FMNL3: variants seen among roughly 807,000 people sequenced by gnomAD.
FMNL3 encodes formin-like protein 3.
FMNL3 carries 57 observed loss-of-function variants against 119.6 expected under a neutral mutation model. The ratio of observed to expected loss-of-function variants is 0.48; its 90% CI spans 0.39 to 0.59. The LOEUF (loss-of-function observed/expected upper bound fraction) is 0.59, where lower values mean the gene tolerates loss of function less well. FMNL3 is among the 20% of genes least tolerant of loss of function. The pLI, the probability that FMNL3 is intolerant of heterozygous loss-of-function variation, is 0.00. For synonymous variants in FMNL3, 491 were observed against 507.3 expected (o/e 0.97, Z 0.43); for missense variants, 1,053 against 1,323.5 (o/e 0.80, Z 3.17).
At chr12:49,666,297 T>C (rs1028268010) in intron 2 of FMNL3, 90 bp from the exon 3 acceptor site, 1 of 1,163,626 alleles carries the variant, frequency 8.6e-7, no homozygotes, top group South Asian at 1.5e-5. Context: ...TAGTGTTCAG[T>C]GTGAGGGGGA....
At position 49,636,972 on chromosome 12, in the gene FMNL3, T is replaced by G; in HGVS notation, c.*8843A>C. 2 of 1,405,406 alleles carry G rather than the reference T, an allele frequency of 1.4e-6. No homozygotes were observed. 87.1% of individuals were successfully genotyped at this position (1,405,406 alleles called of 1,614,324 possible). A position where few individuals can be genotyped will look rare whatever the true frequency, so the allele number is the denominator to read the frequency against. On this transcript the variant is annotated 3_prime_UTR_variant, in exon 26 of 26. Transcript: ENST00000335154. ...TTTCTGTGCCTAGCCCTGTCCAAGC[T>G]CTATGAGACCTCTCTCTGCCTGCAG... is the stretch of plus-strand genomic sequence containing the variant.
In FMNL3 at chr12:49,648,190, T is replaced by A. The variant is rs1486573850; in HGVS notation, c.2676+3A>T. 3.1e-6 allele frequency: 5 copies of A among 1,612,052 alleles called. No individual in the cohort carries two copies. The highest frequency in any genetic ancestry group is 4.2e-6 in the Non-Finnish European group (5 of 1,178,950). ...GCTCCCACCGCCTGCACCCCGTGCT[T>A]GCCTCAGCCGTCTTGGCGTCCCGCT... On this transcript the variant is annotated splice_donor_region_variant and intron_variant, in intron 22 of 25. Transcript: ENST00000335154.
intron 1 of FMNL3, among the ~76,000 whole-genome samples, chr12:49,685,664 C>A (rs185269456): frequency 1.3e-3 from 197 of 152,300 alleles, no homozygotes; most frequent in South Asian, 0.011. Context: ...CTTCAAGGTA[C>A]AGAAAAACAG....
chr12:49,651,944 G>T lies in FMNL3; in HGVS notation c.1592C>A (p.Pro531His). Residue 531 changes from proline (P) to histidine (H), a missense_variant, in exon 14 of 26, where the codon CCC becomes CAC. Physicochemically the swap from Pro to His is moderately conservative, Grantham distance 77 (BLOSUM62 -2). This residue lies in a region of FMNL3 where 445 missense variants were observed against 628.4 expected (regional missense o/e 0.71). Coordinates refer to ENST00000335154, the MANE Select transcript of FMNL3 (RefSeq NM_175736.5). ...PPAPPLPPPP[P>H]PLPDKCPPAP... ...GTCGTCGTGGTTACCTGGTAATGGG[G>T]GAGGTGGAGGGGGCAAGGGCGGAGC... The T allele has an allele frequency of 6.3e-7, 1 of 1,592,560 alleles. No homozygotes were observed. Among genetic ancestry groups the T allele is most frequent in the East Asian group, 2.3e-5 (1 of 44,348 alleles).
At chr12:49,706,849 G>A (rs1351329431) in intron 1 of FMNL3, among the ~76,000 whole-genome samples, 1 of 152,166 alleles carries the variant, frequency 6.6e-6, no homozygotes, top group African/African-American at 2.4e-5. Context: ...TCCAGCGGTG[G>A]AGGCGTCGGT....
At chr12:49,687,049 A>C (rs1944482086) in intron 1 of FMNL3, among the ~76,000 whole-genome samples, 1 of 151,748 alleles carries the variant, frequency 6.6e-6, no homozygotes, top group Admixed American at 6.6e-5. Flanking sequence ...TCAACCCCCA[A>C]AACTGCCTGA....
At chr12:49,671,072 C>T (rs144161099) in intron 1 of FMNL3, among the ~76,000 whole-genome samples, 7 of 152,354 alleles carry the variant, frequency 4.6e-5, no homozygotes, top group African/African-American at 1.7e-4. Context: ...GAGGAGGGGG[C>T]AGCCTGTCAC....
chr12:49,645,612 G>A lies in FMNL3; in HGVS notation c.*203C>T, dbSNP rs1592633122. 1 of 525,240 alleles carries A rather than the reference G, an allele frequency of 1.9e-6. No individual in the cohort carries two copies. Among genetic ancestry groups the A allele is most frequent in the Non-Finnish European group, 3.3e-6 (1 of 301,754 alleles). The allele number at this position is 525,240 out of a possible 1,614,324, so 32.5% of individuals were successfully genotyped here. On this transcript the variant is annotated 3_prime_UTR_variant, in exon 26 of 26. Coordinates refer to ENST00000335154, the MANE Select transcript of FMNL3 (RefSeq NM_175736.5). ...GGAAATGAAGTCAAAGACCTTGGGG[G>A]CAAAGTGCAGTACTGGAAGCACCAG...
chr12:49,638,795 A>G lies in FMNL3; in HGVS notation c.*7020T>C, dbSNP rs1022280063. 6.6e-6 allele frequency: 1 copy of G among 152,168 alleles called. No individual in the cohort carries two copies. The highest frequency in any genetic ancestry group is 2.4e-5 in the African/African-American group (1 of 41,432). The allele number at this position is 152,168 out of a possible 1,614,324, so 9.4% of individuals were successfully genotyped here. A position where few individuals can be genotyped will look rare whatever the true frequency, so the allele number is the denominator to read the frequency against. On this transcript the variant is annotated 3_prime_UTR_variant, in exon 26 of 26. Coordinates refer to ENST00000335154, the MANE Select transcript of FMNL3 (RefSeq NM_175736.5). ...CCTTTCTGACCCTGTTTCCTCATCT[A>G]AAAAATGGTGAGTGTTCCACCAGAG... is the stretch of plus-strand genomic sequence containing the variant.
chr12:49,642,311 C>T lies in FMNL3; in HGVS notation c.*3504G>A, dbSNP rs762160468. 3.7e-6 allele frequency: 6 copies of T among 1,614,188 alleles called. No individual in the cohort carries two copies. The South Asian group carries it at 6.6e-5, about 18-fold the overall frequency. On this transcript the variant is annotated 3_prime_UTR_variant, in exon 26 of 26. Transcript: ENST00000335154. The surrounding 1 kb of genome is among the most constrained non-coding windows in gnomAD (Gnocchi z 5.8). Reference sequence around the variant, plus strand: ...CGCAGGATGCGGCGCAGGGAAGCTGCCTTTCGAAGCATGCTGAGGCAGGCT... The same window carrying T: ...CGCAGGATGCGGCGCAGGGAAGCTGTCTTTCGAAGCATGCTGAGGCAGGCT...
intron 1 of FMNL3, among the ~76,000 whole-genome samples, chr12:49,687,944 G>A (rs1410081145): frequency 5.3e-5 from 8 of 152,194 alleles, no homozygotes; most frequent in Admixed American, 3.9e-4. Context: ...ATTAAAGACA[G>A]AAAATGGAAC....
chr12:49,661,812 G>T, intron 5 of FMNL3, 154 bp downstream of exon 5: 1 of 699,132 alleles, frequency 1.4e-6, no homozygotes, highest in Non-Finnish European at 2.5e-6. Flanking sequence ...GGGCTTGCCT[G>T]CCTACTTCCA....
chr12:49,639,094 G>A lies in FMNL3; in HGVS notation c.*6721C>T, dbSNP rs1565842698. On this transcript the variant is annotated 3_prime_UTR_variant, in exon 26 of 26. Transcript: ENST00000335154. Reference sequence around the variant, plus strand: ...TTGGAAGTAGAGCCCTGCATGTAAAGTGCCTTGAATGCTAAAATAAGAAAT... The same window carrying A: ...TTGGAAGTAGAGCCCTGCATGTAAAATGCCTTGAATGCTAAAATAAGAAAT... 1 of 152,216 alleles carries A rather than the reference G, an allele frequency of 6.6e-6. No homozygotes were observed. Among genetic ancestry groups the A allele is most frequent in the Non-Finnish European group, 1.5e-5 (1 of 68,056 alleles). 9.4% of individuals were successfully genotyped at this position (152,216 alleles called of 1,614,324 possible).
rs747812115 is a variant in FMNL3 at position 49,646,773 on chromosome 12, C to G, written c.2995+113G>C. 32 of 1,604,170 alleles carry G rather than the reference C, an allele frequency of 2.0e-5. No individual in the cohort carries two copies. In the East Asian group the frequency reaches 2.7e-4, roughly 13 times the overall value. On this transcript the variant is annotated intron_variant, in intron 25 of 25. Transcript: ENST00000335154. ...TCAGCACTGTGGCCCAGGAGAGAGA[C>G]ACAGTGGTCAGGCCTCATGGGGGGT... is the stretch of plus-strand genomic sequence containing the variant.
At position 49,707,169 on chromosome 12, in the gene FMNL3, C is replaced by T; in HGVS notation, c.12G>A (p.Leu4=). 6.4e-7 allele frequency: 1 copy of T among 1,564,826 alleles called. No individual in the cohort carries two copies. The highest frequency in any genetic ancestry group is 8.6e-7 in the Non-Finnish European group (1 of 1,159,348). MGN[L]ESAEGVPGEP... is the part of the protein sequence containing the mutation. ...CTCCCGGGACCCCCTCGGCGCTCTC[C>T]AGGTTGCCCATCGCGGCGGGGCCCC... Residue 4 remains leucine (L), a synonymous_variant, in exon 1 of 26, where the codon CTG becomes CTA. Transcript: ENST00000335154.
chr12:49,707,273 C>T lies in FMNL3; in HGVS notation c.-93G>A, dbSNP rs1425892505. On this transcript the variant is annotated 5_prime_UTR_variant, in exon 1 of 26. Transcript: ENST00000335154. ...TCCGACCAGGCTCCTCCCTCAGCGC[C>T]GGCTCCCCGAGTCCCGACTCCTCGG... 2.4e-6 allele frequency: 3 copies of T among 1,240,784 alleles called. No homozygotes were observed. In the East Asian group the frequency reaches 9.3e-5, roughly 38 times the overall value. The allele number at this position is 1,240,784 out of a possible 1,614,324, so 76.9% of individuals were successfully genotyped here.
chr12:49,659,158 CT>C (rs1394240696), intron 5 of FMNL3, among the ~76,000 whole-genome samples: 3 of 152,178 alleles, frequency 2.0e-5, no homozygotes, highest in Non-Finnish European at 4.4e-5. Context: ...TGGGACAGTC[CT>C]TTATTGTTTG....
At chr12:49,671,084 G>A (rs755705176) in intron 1 of FMNL3, among the ~76,000 whole-genome samples, 10 of 152,240 alleles carry the variant, frequency 6.6e-5, no homozygotes, top group Non-Finnish European at 1.0e-4. Flanking sequence ...GCCTGTCACT[G>A]CTGTGGCAGA....
intron 3 of FMNL3, 90 bp from the exon 4 acceptor site, chr12:49,665,998 A>G: frequency 6.4e-7 from 1 of 1,554,780 alleles, no homozygotes; most frequent in South Asian, 1.1e-5. Context: ...GCCCTTGGCC[A>G]CAGAACCCTG....
Sources: gnomAD v4.1 joint callset for allele counts (sites outside exome capture counted in the v4.1 genomes callset) on GRCh38, gnomAD v4.1.1 for gene constraint, gnomAD v4.1.1 regional missense constraint, Gnocchi (gnomAD v3.1) non-coding constraint, MANE v1.5 for transcripts, NCBI Gene and HGNC (gene_info 2026-07-23, HGNC 2026-07-21) for gene names.